Variants in IL12RB1 observed in about 807,000 individuals in gnomAD.
The protein encoded by IL12RB1 is interleukin-12 receptor subunit beta-1.
Under a neutral mutation model 94.4 loss-of-function variants are expected in IL12RB1, and 64 were observed. That is an observed-to-expected ratio of 0.68 (90% CI 0.55 to 0.83). IL12RB1 has a LOEUF of 0.83. IL12RB1 is among the 40% of genes least tolerant of loss of function. IL12RB1 has a pLI of 0.00. For missense variants in IL12RB1, 814 were observed against 855.6 expected (o/e 0.95, Z 0.61); for synonymous variants, 362 against 355.5 (o/e 1.02, Z -0.21).
intron 1 of IL12RB1, 58 bp from the exon 2 acceptor site, chr19:18,083,549 G>T (rs1422211221): frequency 2.5e-6 from 4 of 1,568,958 alleles, no homozygotes. Flanking sequence ...TGGGGAGAAG[G>T]GCTCAGCCTT....
chr19:18,077,454 T>G, intron 5 of IL12RB1, 62 bp downstream of exon 5: 2 of 1,296,916 alleles, frequency 1.5e-6, no homozygotes, highest in Non-Finnish European at 1.1e-6. Context: ...GTGAGACTGA[T>G]TTGGGGGTGA....
At chr19:18,089,857 G>A (rs867366785), upstream of IL12RB1, among the ~76,000 whole-genome samples, 1 of 152,198 alleles carries the variant, frequency 6.6e-6, no homozygotes, top group Non-Finnish European at 1.5e-5. Context: ...AGCTGGCCAG[G>A]GTCAGGCGCC....
At chr19:18,064,745 A>G (rs1221356850) in intron 12 of IL12RB1, among the ~76,000 whole-genome samples, 1 of 152,170 alleles carries the variant, frequency 6.6e-6, no homozygotes, top group African/African-American at 2.4e-5. Context: ...AAGTGCTGGG[A>G]TTACAGGCGT....
At chr19:18,083,173 C>A (rs149588953) in intron 2 of IL12RB1, 1 of 596,280 alleles carries the variant, frequency 1.7e-6, no homozygotes, top group South Asian at 2.0e-5. Flanking sequence ...TCCCATGTAC[C>A]GACCAATCTG....
intron 1 of IL12RB1, among the ~76,000 whole-genome samples, chr19:18,093,419 G>T (rs975221565): frequency 6.6e-6 from 1 of 151,814 alleles, no homozygotes; most frequent in African/African-American, 2.4e-5. Flanking sequence ...CATTCAGTCA[G>T]TCCAGTCAGT....
At chr19:18,095,136 G>A (rs566534945) in intron 1 of IL12RB1, among the ~76,000 whole-genome samples, 75 of 149,626 alleles carry the variant, frequency 5.0e-4, no homozygotes, top group South Asian at 1.1e-3. Flanking sequence ...CCAAGATCCC[G>A]CGACTGCACT....
At chr19:18,063,848 A>T in intron 13 of IL12RB1, 28 bp downstream of exon 13, 2 of 1,605,688 alleles carry the variant, frequency 1.2e-6, no homozygotes, top group Non-Finnish European at 1.7e-6. Context: ...TGCTGGGTAA[A>T]TAACTGGGTC....
Position 18,068,443 on chromosome 19 carries a change from C to T in IL12RB1, c.1273G>A (p.Glu425Lys), listed in dbSNP as rs775923325. ...YITIFASAHPEKLTLWSTVLS... is the reference protein window; with the variant it reads ...YITIFASAHPKKLTLWSTVLS... ...ACCGTAGACCACAAGGTGAGCTTCTCGGGGTGCGCAGAGGCAAAGATGGTA... is the reference window on the plus strand; with the variant it reads ...ACCGTAGACCACAAGGTGAGCTTCTTGGGGTGCGCAGAGGCAAAGATGGTA... Residue 425 changes from glutamate (E) to lysine (K), a missense_variant, in exon 11 of 17, where the codon GAG becomes AAG. By Grantham distance (56) the Glu-to-Lys change is moderately conservative. Coordinates refer to ENST00000593993, the MANE Select transcript of IL12RB1 (RefSeq NM_005535.3). The T allele has an allele frequency of 1.7e-5, 28 of 1,613,300 alleles. No homozygotes were observed. The highest frequency in any genetic ancestry group is 2.3e-5 in the Non-Finnish European group (27 of 1,179,538).
intron 3 of IL12RB1, 34 bp downstream of exon 3, chr19:18,082,116 G>T: frequency 7.6e-7 from 1 of 1,323,600 alleles, no homozygotes; most frequent in Non-Finnish European, 1.1e-6. Context: ...TGGGATGGTG[G>T]GTGAGGGTTT....
chr19:18,059,471 T>C lies in IL12RB1; in HGVS notation c.*137A>G. The stretch of plus-strand genomic sequence containing the variant: ...ATCTAGGGTTCCCCCGCAGGATGGG[T>C]GGCAACAGGCACGGGGCAGAGAGGA... On this transcript the variant is annotated 3_prime_UTR_variant, in exon 17 of 17. Transcript: ENST00000593993. 1 of 712,416 alleles carries C rather than the reference T, an allele frequency of 1.4e-6. No homozygotes were observed. The highest frequency in any genetic ancestry group is 1.5e-5 in the South Asian group (1 of 67,022). 44.1% of individuals were successfully genotyped at this position (712,416 alleles called of 1,614,324 possible).
chr19:18,064,134 C>CA, intron 12 of IL12RB1, 124 bp from the exon 13 acceptor site: 1 of 418,098 alleles, frequency 2.4e-6, no homozygotes, highest in Non-Finnish European at 4.3e-6. Context: ...TCTACTCTTT[C>CA]TTTCTTTTTT....
At chr19:18,082,110 A>G (rs753751918) in intron 3 of IL12RB1, 40 bp downstream of exon 3, 1 of 1,263,654 alleles carries the variant, frequency 7.9e-7, no homozygotes, top group Non-Finnish European at 1.2e-6. Flanking sequence ...CAAGAGTGGG[A>G]TGGTGGGTGA....
intron 3 of IL12RB1, among the ~76,000 whole-genome samples, chr19:18,081,843 A>G (rs1480792429): frequency 3.2e-5 from 4 of 124,088 alleles, no homozygotes; most frequent in African/African-American, 1.2e-4. Context: ...AAGAAAAAAG[A>G]AAAAATGGAT....
rs1394183360 is a variant in IL12RB1 at position 18,068,373 on chromosome 19, G to C, written c.1327+16C>G. On this transcript the variant is annotated intron_variant, in intron 11 of 16. Coordinates refer to ENST00000593993, the MANE Select transcript of IL12RB1 (RefSeq NM_005535.3). ...AAAGAAAAAATAATGTAAACCTGCAGGTTTGGGTCACTTACCATTGCCCCC... is the reference window on the plus strand; with the variant it reads ...AAAGAAAAAATAATGTAAACCTGCACGTTTGGGTCACTTACCATTGCCCCC... 6.3e-7 allele frequency: 1 copy of C among 1,599,724 alleles called. No individual in the cohort carries two copies. Among genetic ancestry groups the C allele is most frequent in the Non-Finnish European group, 8.5e-7 (1 of 1,172,272 alleles).
intron 1 of IL12RB1, among the ~76,000 whole-genome samples, chr19:18,092,797 C>T (rs955616979): frequency 6.6e-6 from 1 of 151,874 alleles, no homozygotes; most frequent in Non-Finnish European, 1.5e-5. Context: ...AGCCACCGCT[C>T]CCAAACAGAT....
chr19:18,094,535 C>A (rs933412824), intron 1 of IL12RB1, among the ~76,000 whole-genome samples: 18 of 152,164 alleles, frequency 1.2e-4, no homozygotes, highest in African/African-American at 4.3e-4. Context: ...TGGGTGTTTG[C>A]TTTGGAAAAC....
intron 12 of IL12RB1, 128 bp from the exon 13 acceptor site, chr19:18,064,138 CTTTT>C (rs55986229): frequency 2.2e-3 from 781 of 348,408 alleles, no homozygotes; most frequent in South Asian, 4.4e-3. Flanking sequence ...CTCTTTCTTT[CTTTT>C]TTTTTTTTTT....
chr19:18,090,333 A>G (rs1205426758), upstream of IL12RB1, among the ~76,000 whole-genome samples: 1 of 152,166 alleles, frequency 6.6e-6, no homozygotes, highest in Non-Finnish European at 1.5e-5. Flanking sequence ...CCACAGAGCA[A>G]GACCCTGCTC....
chr19:18,064,138 CTTTTTT>C (rs55986229), intron 12 of IL12RB1, 128 bp from the exon 13 acceptor site: 37 of 350,282 alleles, frequency 1.1e-4, no homozygotes, highest in East Asian at 2.2e-4. Flanking sequence ...CTCTTTCTTT[CTTTTTT>C]TTTTTTTTTT....
Sources: allele counts gnomAD v4.1 joint callset (sites outside exome capture counted in the v4.1 genomes callset), GRCh38; gene constraint gnomAD v4.1.1; transcripts MANE v1.5; gene names NCBI Gene and HGNC (gene_info 2026-07-23, HGNC 2026-07-21).